Variants in USP34 observed in about 807,000 individuals in gnomAD.
The protein encoded by USP34 is ubiquitin carboxyl-terminal hydrolase 34.
A neutral mutation model predicts 460.3 loss-of-function variants in USP34; 70 were observed. The observed-to-expected ratio is 0.15, with a 90% CI of 0.13 to 0.19. The LOEUF is 0.19. Among genes scored for constraint, USP34 ranks in the 10% least tolerant of loss-of-function variants. USP34 has a pLI of 1.00. For missense variants in USP34, 3,985 were observed against 4,236.2 expected (o/e 0.94, Z 1.65); for synonymous variants, 1,647 against 1,405.3 (o/e 1.17, Z -3.85).
intron 75 of USP34, among the ~76,000 whole-genome samples, chr2:61,201,922 A>G (rs541244147): frequency 1.8e-4 from 27 of 152,316 alleles, no homozygotes; most frequent in African/African-American, 6.3e-4. Flanking sequence ...ATTACTGCCA[A>G]TGATGGGTTT....
In USP34 at chr2:61,187,890, T is replaced by C. The variant is rs1203440914; in HGVS notation, c.*212A>G. 7.2e-7 allele frequency: 1 copy of C among 1,393,286 alleles called. No homozygotes were observed. The highest frequency in any genetic ancestry group is 2.7e-5 in the East Asian group (1 of 36,532). The allele number at this position is 1,393,286 out of a possible 1,614,324, so 86.3% of individuals were successfully genotyped here. A position where few individuals can be genotyped will look rare whatever the true frequency, so the allele number is the denominator to read the frequency against. On this transcript the variant is annotated 3_prime_UTR_variant, in exon 80 of 80. Transcript: ENST00000398571. ...CTCTTAATTACATAAAACATATCCA[T>C]TATCTGATTGCCCTTTAGGAAGTAT...
chr2:61,289,069 T>C (rs1469467282), intron 33 of USP34, among the ~76,000 whole-genome samples, 192 bp from the exon 34 acceptor site: 3 of 152,082 alleles, frequency 2.0e-5, no homozygotes, highest in Non-Finnish European at 4.4e-5. Context: ...AAAAAGTATC[T>C]AGAAATAAAG....
intron 18 of USP34, among the ~76,000 whole-genome samples, chr2:61,336,991 A>C (rs968343490): frequency 6.6e-6 from 1 of 152,136 alleles, no homozygotes; most frequent in Non-Finnish European, 1.5e-5. Flanking sequence ...TGGCTGCATG[A>C]TATTTAATCT....
chr2:61,323,328 G>A (rs1163252528), intron 21 of USP34, among the ~76,000 whole-genome samples: 7 of 152,006 alleles, frequency 4.6e-5, no homozygotes, highest in Non-Finnish European at 8.8e-5. Flanking sequence ...TGGCTAACAC[G>A]GTGAAACCCC....
At chr2:61,354,720 G>T (rs1320328230) in intron 10 of USP34, among the ~76,000 whole-genome samples, 1 of 152,192 alleles carries the variant, frequency 6.6e-6, no homozygotes, top group African/African-American at 2.4e-5. Flanking sequence ...AGGAAAAAGT[G>T]TTCACTATGT....
chr2:61,409,680 C>T (rs1411334517), intron 2 of USP34, among the ~76,000 whole-genome samples: 3 of 152,124 alleles, frequency 2.0e-5, no homozygotes, highest in Non-Finnish European at 2.9e-5. Flanking sequence ...CGCCACTGCA[C>T]TCCAGCCTGG....
At chr2:61,388,571 A>G (rs971773813) in intron 5 of USP34, among the ~76,000 whole-genome samples, 2 of 151,722 alleles carry the variant, frequency 1.3e-5, no homozygotes, top group African/African-American at 2.4e-5. Flanking sequence ...CCTAGCTAAC[A>G]CGGTGAAACC....
At chr2:61,288,601 C>T (rs1011919257) in intron 34 of USP34, 76 bp downstream of exon 34, 3 of 1,466,532 alleles carry the variant, frequency 2.0e-6, no homozygotes, top group Admixed American at 3.4e-5. Context: ...GAATACATTT[C>T]TTAAGCATTA....
At chr2:61,275,617 CTTTT>C (rs34255356) in intron 41 of USP34, among the ~76,000 whole-genome samples, 11 of 146,960 alleles carry the variant, frequency 7.5e-5, no homozygotes, top group Non-Finnish European at 1.7e-4. Context: ...GACCCTGTCC[CTTTT>C]TTTTTTTTAA....
chr2:61,445,394 G>T (rs1695083126), intron 1 of USP34, among the ~76,000 whole-genome samples: 1 of 151,818 alleles, frequency 6.6e-6, no homozygotes, highest in Non-Finnish European at 1.5e-5. Context: ...AGTTAGCGGG[G>T]CGTGGTGGCA....
intron 75 of USP34, chr2:61,199,974 A>G (rs532009752): frequency 6.6e-6 from 1 of 152,522 alleles, no homozygotes; most frequent in South Asian, 2.1e-4. Context: ...CCATAACTTT[A>G]CTAAGTATTT....
chr2:61,449,926 C>T (rs1573054720), intron 1 of USP34, among the ~76,000 whole-genome samples: 2 of 152,074 alleles, frequency 1.3e-5, no homozygotes, highest in Admixed American at 6.6e-5. Flanking sequence ...ATAAGCTGGG[C>T]ATGGTGGCGC....
At chr2:61,410,268 G>A (rs1034624613) in intron 2 of USP34, among the ~76,000 whole-genome samples, 2 of 152,216 alleles carry the variant, frequency 1.3e-5, no homozygotes, top group African/African-American at 4.8e-5. Context: ...ATAGGAGACA[G>A]CGATAGATCA....
chr2:61,305,781 T>G (rs1201973448), intron 27 of USP34, among the ~76,000 whole-genome samples: 1 of 152,094 alleles, frequency 6.6e-6, no homozygotes, highest in Non-Finnish European at 1.5e-5. Context: ...ATATCCTTTT[T>G]TTTTTCCCCG....
chr2:61,211,660 T>C (rs536989537), intron 69 of USP34, 112 bp downstream of exon 69: 1 of 1,153,960 alleles, frequency 8.7e-7, no homozygotes, highest in African/African-American at 1.6e-5. Context: ...TGTTCCAAAG[T>C]GGCTACATGC....
In USP34 at chr2:61,378,913, G is replaced by GAAAAAAAAA. The variant is rs34463913; in HGVS notation, c.1015-498_1015-490dup. On this transcript the variant is annotated intron_variant, in intron 7 of 79. Coordinates refer to ENST00000398571, the MANE Select transcript of USP34 (RefSeq NM_014709.4). ...GAGTGAGAGTCCATCTCAAAAAAACGAAAAAAAAAAAAAAAAAAAAAAAAC... is the reference window on the plus strand; with the variant it reads ...GAGTGAGAGTCCATCTCAAAAAAACGAAAAAAAAAAAAAAAAAAAAAAAAAAAAAAAAAC... Among the ~76,000 whole-genome samples the GAAAAAAAAA allele has an allele frequency of 7.4e-3, 430 of 57,880 alleles. 46 individuals are homozygous for GAAAAAAAAA. Among genetic ancestry groups the GAAAAAAAAA allele is most frequent in the South Asian group, 9.4e-3 (8 of 854 alleles). The allele number at this position is 57,880 out of a possible 152,430, so 38.0% of individuals were successfully genotyped here.
chr2:61,207,148 T>C (rs1167145764), intron 70 of USP34: 1 of 277,848 alleles, frequency 3.6e-6, no homozygotes, highest in Non-Finnish European at 6.7e-6. Flanking sequence ...TTTAAAAAAG[T>C]ACTTGCTCTA....
intron 2 of USP34, among the ~76,000 whole-genome samples, chr2:61,408,178 C>A (rs1484421995): frequency 6.6e-6 from 1 of 151,914 alleles, no homozygotes; most frequent in Non-Finnish European, 1.5e-5. Context: ...TAAAGCAAGC[C>A]AACTTGGAAG....
intron 41 of USP34, among the ~76,000 whole-genome samples, chr2:61,276,297 G>A (rs186620831): frequency 6.6e-6 from 1 of 152,184 alleles, no homozygotes; most frequent in Admixed American, 6.5e-5. Context: ...TAAATAATGG[G>A]ACAAGTATGC....
Sources: allele counts gnomAD v4.1 joint callset (sites outside exome capture counted in the v4.1 genomes callset), GRCh38; gene constraint gnomAD v4.1.1; transcripts MANE v1.5; gene names NCBI Gene and HGNC (gene_info 2026-07-23, HGNC 2026-07-21).